C17orf99: variants seen among roughly 807,000 people sequenced by gnomAD.
The protein encoded by C17orf99 is chromosome 17 open reading frame 99, also known as protein IL-40.
C17orf99 carries 18 observed loss-of-function variants against 22.6 expected under a neutral mutation model. The observed-to-expected ratio is 0.80, with a 90% CI of 0.55 to 1.18. The LOEUF (loss-of-function observed/expected upper bound fraction) is 1.18. Among genes scored for constraint, C17orf99 ranks in the 50% most tolerant of loss-of-function variants. The pLI, the probability that C17orf99 is intolerant of heterozygous loss-of-function variation, is 0.00. For missense variants in C17orf99, 328 were observed against 342.7 expected (o/e 0.96, Z 0.34); for synonymous variants, 147 against 136.6 (o/e 1.08, Z -0.53).
intron 2 of C17orf99, among the ~76,000 whole-genome samples, chr17:78,154,258 G>C (rs957272007): frequency 1.3e-5 from 2 of 151,848 alleles, no homozygotes; most frequent in African/African-American, 4.8e-5. Flanking sequence ...CATCTAAAAA[G>C]GAGAGTCTGG....
At chr17:78,164,446 G>A (rs2145804895) in intron 4 of C17orf99, 82 bp downstream of exon 4, 1 of 1,549,322 alleles carries the variant, frequency 6.5e-7, no homozygotes, top group Non-Finnish European at 8.7e-7. Flanking sequence ...ACAGGTCGAT[G>A]GGAAGTGGGA....
intron 2 of C17orf99, among the ~76,000 whole-genome samples, chr17:78,153,186 A>T (rs999733414): frequency 3.3e-5 from 5 of 152,116 alleles, no homozygotes; most frequent in Non-Finnish European, 4.4e-5. Flanking sequence ...TCTTGAGAGG[A>T]TATAAAGTGA....
chr17:78,155,124 ATTTTTTTTTTTTT>A (rs771330920), intron 2 of C17orf99, among the ~76,000 whole-genome samples: 1 of 104,626 alleles, frequency 9.6e-6, no homozygotes, highest in Admixed American at 9.8e-5. Flanking sequence ...AGCAACCCCT[ATTTTTTTTTTTTT>A]TTTTTTGTGG....
intron 3 of C17orf99, among the ~76,000 whole-genome samples, chr17:78,161,726 T>C (rs1260651656): frequency 1.3e-5 from 2 of 151,190 alleles, no homozygotes; most frequent in African/African-American, 2.4e-5. Context: ...CACCTGTAGT[T>C]CCAGCTACTC....
chr17:78,161,591 C>T (rs925475616), intron 3 of C17orf99, among the ~76,000 whole-genome samples: 1 of 152,112 alleles, frequency 6.6e-6, no homozygotes, highest in Non-Finnish European at 1.5e-5. Flanking sequence ...GGGCGCAAAT[C>T]CCAGCACTGT....
chr17:78,157,888 T>C, intron 2 of C17orf99: 1 of 1,153,248 alleles, frequency 8.7e-7, no homozygotes, highest in South Asian at 1.2e-5. Flanking sequence ...CTTCGATGAC[T>C]GGCAAGCACG....
At position 78,146,947 on chromosome 17, in the gene C17orf99, C is replaced by T. The variant is rs748974846; in HGVS notation, c.70+36C>T. 3 of 1,543,554 alleles carry T rather than the reference C, an allele frequency of 1.9e-6. No homozygotes were observed. The highest frequency in any genetic ancestry group is 1.2e-5 in the South Asian group (1 of 83,908). On this transcript the variant is annotated intron_variant, in intron 2 of 4. Coordinates refer to ENST00000340363, the MANE Select transcript of C17orf99 (RefSeq NM_001163075.2). This position sits in a 1 kb window ranked among gnomAD's most constrained non-coding sequence, Gnocchi z 5.2. ...TAGCCTGCTGCAGGGAGAAGTCCCC[C>T]AGCTGGGACCCTGGTGTCAGAACCC...
chr17:78,146,384 C>A, upstream of C17orf99: 1 of 1,548,888 alleles, frequency 6.5e-7, no homozygotes, highest in Non-Finnish European at 8.7e-7. This position sits in a 1 kb window ranked among gnomAD's most constrained non-coding sequence, Gnocchi z 5.2. Flanking sequence ...ACTGCCCGAG[C>A]AGAGGCCCTA....
At chr17:78,165,107 AGGCCAT>A in intron 4 of C17orf99, 1 of 1,045,946 alleles carries the variant, frequency 9.6e-7, no homozygotes, top group South Asian at 3.1e-5. Context: ...CCCCTCTCCA[AGGCCAT>A]GGCTTTACTA....
At chr17:78,146,351 A>G (rs1209561787), upstream of C17orf99, 9 of 1,511,028 alleles carry the variant, frequency 6.0e-6, no homozygotes, top group Middle Eastern at 1.8e-4. The surrounding 1 kb of genome is among the most constrained non-coding windows in gnomAD (Gnocchi z 5.2). Flanking sequence ...AGGGTGGGGG[A>G]GGCCAGGAAC....
In C17orf99 at chr17:78,161,118, C is replaced by T. The variant is rs201222675; in HGVS notation, c.234C>T (p.His78=). 18 of 1,551,768 alleles carry T rather than the reference C, an allele frequency of 1.2e-5. 1 individual carries two copies. The highest frequency in any genetic ancestry group is 1.7e-4 in the Middle Eastern group (1 of 5,992). ...IKVAKKVVKT[H]EPASFNLNVT... ...TGGCCAAGAAGGTGGTGAAGACCCA[C>T]GAGCCGGCCTCCTTCAACCTCAACG... The change falls in exon 3 of 5, where the codon CAC becomes CAT. Residue 78 remains histidine, a synonymous_variant. Transcript: ENST00000340363.
intron 2 of C17orf99, chr17:78,160,031 G>A (rs1315492868): frequency 2.0e-5 from 9 of 455,540 alleles, no homozygotes; most frequent in Non-Finnish European, 3.5e-5. Context: ...ATGAGCGTGT[G>A]TGTACAGGTA....
intron 2 of C17orf99, among the ~76,000 whole-genome samples, chr17:78,149,565 G>A (rs1220440637): frequency 2.0e-5 from 3 of 152,052 alleles, no homozygotes; most frequent in East Asian, 1.9e-4. Flanking sequence ...ACAGGGTCTC[G>A]TTCTGTCACC....
chr17:78,146,553 C>T lies in C17orf99; in HGVS notation c.37+109C>T. On this transcript the variant is annotated intron_variant, in intron 1 of 4. Transcript: ENST00000340363. The surrounding 1 kb of genome is among the most constrained non-coding windows in gnomAD (Gnocchi z 5.2). ...AGAGATGAGGCCTGAAGGAAGGGCA[C>T]CTCTGGAAACATGGACAGAGAGGGA... 3.0e-6 allele frequency: 3 copies of T among 985,394 alleles called. No individual in the cohort carries two copies. Among genetic ancestry groups the T allele is most frequent in the South Asian group, 1.4e-5 (1 of 71,184 alleles). The allele number at this position is 985,394 out of a possible 1,614,324, so 61.0% of individuals were successfully genotyped here.
At chr17:78,158,069 C>T (rs1367429836) in intron 2 of C17orf99, 36 of 1,199,746 alleles carry the variant, frequency 3.0e-5, no homozygotes, top group African/African-American at 4.6e-5. Flanking sequence ...CATGGAGGTG[C>T]GAGAGGACTT....
At chr17:78,160,672 C>CGTATCATTAAAAAACA in intron 2 of C17orf99, 1 of 429,508 alleles carries the variant, frequency 2.3e-6, no homozygotes, top group Non-Finnish European at 4.2e-6. Context: ...CCACCTCCGC[C>CGTATCATTAAAAAACA]TTCCTGGTTC....
chr17:78,149,901 G>A (rs550726909), intron 2 of C17orf99, among the ~76,000 whole-genome samples: 1 of 152,048 alleles, frequency 6.6e-6, no homozygotes, highest in South Asian at 2.1e-4. Context: ...ACTAGAGATG[G>A]GGTTTCACCA....
chr17:78,157,346 C>CGGT (rs1555597879), intron 2 of C17orf99: 3 of 775,770 alleles, frequency 3.9e-6, no homozygotes, highest in South Asian at 1.6e-5. Context: ...GCGGCGGCGG[C>CGGT]GGTGGGCTCG....
intron 2 of C17orf99, chr17:78,158,087 C>A (rs2075542691): frequency 1.0e-6 from 1 of 996,210 alleles, no homozygotes; most frequent in Non-Finnish European, 1.6e-6. Context: ...CTTTCGTCTG[C>A]ATGAGGGAGA....
Sources: allele counts gnomAD v4.1 joint callset (sites outside exome capture counted in the v4.1 genomes callset), GRCh38; gene constraint gnomAD v4.1.1; non-coding constraint Gnocchi (gnomAD v3.1); transcripts MANE v1.5; gene names NCBI Gene and HGNC (gene_info 2026-07-23, HGNC 2026-07-21).